The following EXOC6B variants were observed in gnomAD, a reference collection of about 807,000 sequenced individuals.
EXOC6B encodes the protein exocyst complex component 6B, also known as SEC15 homolog B.
In EXOC6B, 54 loss-of-function variants were observed where a neutral mutation model predicts 113.5. The ratio of observed to expected loss-of-function variants is 0.48; its 90% confidence interval spans 0.38 to 0.60. The LOEUF (loss-of-function observed/expected upper bound fraction) is 0.60, where lower values mean the gene tolerates loss of function less well. Ranked by LOEUF, EXOC6B falls within the 20% of genes least tolerant of loss-of-function variation. EXOC6B has a pLI of 0.00. For missense variants in EXOC6B, 797 were observed against 977.5 expected (o/e 0.82, Z 2.46); for synonymous variants, 357 against 339.0 (o/e 1.05, Z -0.58).
chr2:72,200,802 G>C (rs1679444834), intron 20 of EXOC6B, among the ~76,000 whole-genome samples: 1 of 152,106 alleles, frequency 6.6e-6, no homozygotes, highest in African/African-American at 2.4e-5. Context: ...AGGTGAAGGA[G>C]AAGGAAAGGG....
At chr2:72,653,598 A>ACG (rs1674364963) in intron 6 of EXOC6B, among the ~76,000 whole-genome samples, 1 of 133,242 alleles carries the variant, frequency 7.5e-6, no homozygotes, top group African/African-American at 3.3e-5. Flanking sequence ...ATTGCCAGCA[A>ACG]CCCCCCCCCA....
intron 1 of EXOC6B, among the ~76,000 whole-genome samples, chr2:72,768,609 CTTT>C (rs34607791): frequency 1.3e-4 from 18 of 136,194 alleles, no homozygotes; most frequent in South Asian, 2.3e-4. Context: ...CCGGCCTAAG[CTTT>C]TTTTTTTTTT....
intron 20 of EXOC6B, among the ~76,000 whole-genome samples, chr2:72,212,803 A>T (rs1267923222): frequency 1.3e-5 from 2 of 152,220 alleles, no homozygotes; most frequent in African/African-American, 4.8e-5. Context: ...TAAATACAAA[A>T]CAGTTCTTAC....
intron 6 of EXOC6B, among the ~76,000 whole-genome samples, chr2:72,652,107 A>T (rs184552157): frequency 2.2e-4 from 33 of 152,220 alleles, no homozygotes; most frequent in African/African-American, 7.0e-4. Flanking sequence ...ATTTCTATAA[A>T]ATAAAACCAT....
chr2:72,532,502 A>G (rs1702060795), intron 8 of EXOC6B, among the ~76,000 whole-genome samples: 1 of 152,166 alleles, frequency 6.6e-6, no homozygotes, highest in South Asian at 2.1e-4. Context: ...AATGATAATC[A>G]GATAAGTGAG....
intron 18 of EXOC6B, chr2:72,463,972 C>G (rs1697873669): frequency 2.0e-5 from 3 of 152,128 alleles, no homozygotes; most frequent in Admixed American, 2.0e-4. Context: ...CACATGGCCA[C>G]AAGGAACAAG....
chr2:72,589,166 A>C (rs1296032936), intron 6 of EXOC6B, among the ~76,000 whole-genome samples: 3 of 152,038 alleles, frequency 2.0e-5, no homozygotes, highest in African/African-American at 7.2e-5. Flanking sequence ...CTCTTAAAAT[A>C]GATTTAGCCC....
chr2:72,539,879 G>C (rs1202714644), intron 8 of EXOC6B, among the ~76,000 whole-genome samples: 2 of 151,404 alleles, frequency 1.3e-5, no homozygotes, highest in Non-Finnish European at 2.9e-5. Context: ...CATGTGCCAT[G>C]CTGGTGTGCT....
intron 6 of EXOC6B, among the ~76,000 whole-genome samples, chr2:72,673,321 T>C (rs951965460): frequency 6.6e-6 from 1 of 152,170 alleles, no homozygotes; most frequent in African/African-American, 2.4e-5. Flanking sequence ...GGGTAGGGTA[T>C]TGGTATTTAC....
chr2:72,578,751 A>C (rs543702515), intron 6 of EXOC6B, among the ~76,000 whole-genome samples: 4 of 152,296 alleles, frequency 2.6e-5, no homozygotes, highest in African/African-American at 9.6e-5. Flanking sequence ...ATAAAAAATA[A>C]ATATGATTTT....
chr2:72,277,470 T>C (rs1285024960), intron 20 of EXOC6B, among the ~76,000 whole-genome samples: 1 of 151,968 alleles, frequency 6.6e-6, no homozygotes, highest in African/African-American at 2.4e-5. Flanking sequence ...TGGATGTTGG[T>C]AATAATTAGA....
intron 18 of EXOC6B, among the ~76,000 whole-genome samples, chr2:72,441,604 T>C (rs974022584): frequency 3.3e-5 from 5 of 152,040 alleles, no homozygotes; most frequent in Admixed American, 2.6e-4. Flanking sequence ...TCAGAGAATA[T>C]TATAAACACC....
chr2:72,427,266 C>T (rs1371449555), intron 18 of EXOC6B, among the ~76,000 whole-genome samples: 1 of 152,212 alleles, frequency 6.6e-6, no homozygotes, highest in East Asian at 1.9e-4. Context: ...CTCAAGCCCC[C>T]ACCCCAGGCT....
intron 18 of EXOC6B, among the ~76,000 whole-genome samples, chr2:72,382,053 CA>C (rs1298656577): frequency 1.3e-5 from 2 of 152,140 alleles, no homozygotes; most frequent in East Asian, 3.9e-4. Context: ...TTTAAAACAA[CA>C]AAGGAGGTAA....
chr2:72,433,889 C>T (rs1219432819), intron 18 of EXOC6B, among the ~76,000 whole-genome samples: 1 of 152,126 alleles, frequency 6.6e-6, no homozygotes, highest in African/African-American at 2.4e-5. Context: ...TTTGAATACC[C>T]TTTATTTCTT....
At chr2:72,816,074 G>T (rs1686223257) in intron 1 of EXOC6B, among the ~76,000 whole-genome samples, 1 of 152,180 alleles carries the variant, frequency 6.6e-6, no homozygotes, top group Admixed American at 6.5e-5. Context: ...CAGGAGAATC[G>T]CTTGAGCCCG....
chr2:72,416,897 C>G (rs1368994772), intron 18 of EXOC6B, among the ~76,000 whole-genome samples: 1 of 152,124 alleles, frequency 6.6e-6, no homozygotes, highest in Non-Finnish European at 1.5e-5. Flanking sequence ...AGGACCTTGA[C>G]TGAATCCCTG....
At chr2:72,400,553 CA>C (rs771488722) in intron 18 of EXOC6B, among the ~76,000 whole-genome samples, 15 of 150,238 alleles carry the variant, frequency 1.0e-4, no homozygotes, top group East Asian at 9.8e-4. Context: ...TGACAAAGGA[CA>C]AATATCCAGA....
chr2:72,629,045 C>A (rs1280930053), intron 6 of EXOC6B, among the ~76,000 whole-genome samples: 1 of 152,106 alleles, frequency 6.6e-6, no homozygotes, highest in Non-Finnish European at 1.5e-5. Context: ...AAATATGAAG[C>A]CATTTTGATG....
Sources: gnomAD v4.1 joint callset for allele counts (sites outside exome capture counted in the v4.1 genomes callset) on GRCh38, gnomAD v4.1.1 for gene constraint, MANE v1.5 for transcripts, NCBI Gene and HGNC (gene_info 2026-07-23, HGNC 2026-07-21) for gene names.